NDNF: variants seen among roughly 807,000 people sequenced by gnomAD.
NDNF encodes protein NDNF.
NDNF carries 16 observed loss-of-function variants against 42.0 expected under a neutral mutation model. The ratio of observed to expected loss-of-function variants is 0.38; its 90% CI spans 0.26 to 0.58. The LOEUF (loss-of-function observed/expected upper bound fraction) is 0.58, where lower values mean the gene tolerates loss of function less well. Ranked by LOEUF, NDNF falls within the 20% of genes least tolerant of loss-of-function variation. The pLI is 0.67. For missense variants in NDNF, 616 were observed against 666.2 expected (o/e 0.92, Z 0.83); for synonymous variants, 248 against 251.7 (o/e 0.99, Z 0.14).
chr4:121,046,532 T>A (rs974381000), intron 1 of NDNF, among the ~76,000 whole-genome samples: 1 of 152,212 alleles, frequency 6.6e-6, no homozygotes, highest in African/African-American at 2.4e-5. Flanking sequence ...CAAGATGAGT[T>A]ATTAGTTGAT....
At chr4:121,039,065 C>T (rs1331208061) in intron 3 of NDNF, 3 of 146,904 alleles carry the variant, frequency 2.0e-5, no homozygotes, top group Non-Finnish European at 4.5e-5. Context: ...CCATAATTTT[C>T]CTAATTGCGA....
In NDNF at chr4:121,037,329, G is replaced by A. The variant is rs1433545693; in HGVS notation, c.642C>T (p.Val214=). The change falls in exon 4 of 4, where the codon GTC becomes GTT. Residue 214 remains valine (V), a synonymous_variant. Coordinates refer to ENST00000379692, the MANE Select transcript of NDNF (RefSeq NM_024574.4). ...LLKQPIQYCV[V]INKEHNFKSL... Reference sequence around the variant, plus strand: ...TTTTGAAATTGTGCTCTTTGTTGATGACCACACAGTACTGAATGGGTTGTT... The same window carrying A: ...TTTTGAAATTGTGCTCTTTGTTGATAACCACACAGTACTGAATGGGTTGTT... 3 of 1,614,060 alleles carry A rather than the reference G, an allele frequency of 1.9e-6. No individual in the cohort carries two copies. In the Admixed American group the frequency reaches 5.0e-5, roughly 27 times the overall value.
intron 1 of NDNF, among the ~76,000 whole-genome samples, chr4:121,071,038 G>C (rs1234580983): frequency 6.6e-6 from 1 of 152,312 alleles, no homozygotes; most frequent in South Asian, 2.1e-4. Flanking sequence ...ACAATGCAAC[G>C]AAACCGCACT....
chr4:121,060,991 AAAG>A (rs1418105623), intron 1 of NDNF, among the ~76,000 whole-genome samples: 8 of 152,242 alleles, frequency 5.3e-5, no homozygotes, highest in African/African-American at 1.9e-4. Context: ...CAGGGACCTT[AAAG>A]AGTTAAAAGG....
intron 3 of NDNF, 90 bp from the exon 4 acceptor site, chr4:121,037,747 C>A: frequency 2.2e-6 from 2 of 897,760 alleles, no homozygotes; most frequent in South Asian, 2.0e-5. Flanking sequence ...ATTTTTTCTC[C>A]GTTATGAAAA....
At chr4:121,043,856 C>G (rs1327721937) in intron 2 of NDNF, among the ~76,000 whole-genome samples, 1 of 152,070 alleles carries the variant, frequency 6.6e-6, no homozygotes, top group Non-Finnish European at 1.5e-5. Flanking sequence ...ATATGAAAAG[C>G]CAAATGTGCC....
chr4:121,049,823 T>C (rs776467612), intron 1 of NDNF, among the ~76,000 whole-genome samples: 10 of 152,212 alleles, frequency 6.6e-5, no homozygotes, highest in Admixed American at 3.3e-4. Context: ...GAAACAGTTT[T>C]AACCATCTCA....
chr4:121,051,000 A>C (rs770940804), intron 1 of NDNF, among the ~76,000 whole-genome samples: 1 of 152,166 alleles, frequency 6.6e-6, no homozygotes, highest in African/African-American at 2.4e-5. Context: ...TGGTGTATGA[A>C]TATATACACA....
chr4:121,060,977 G>A (rs927884537), intron 1 of NDNF, among the ~76,000 whole-genome samples: 6 of 152,182 alleles, frequency 3.9e-5, no homozygotes, highest in Non-Finnish European at 8.8e-5. Context: ...GTGAGTAGAT[G>A]TACCAGGGAC....
chr4:121,063,177 C>T (rs1285573541), intron 1 of NDNF, among the ~76,000 whole-genome samples: 1 of 152,092 alleles, frequency 6.6e-6, no homozygotes, highest in East Asian at 1.9e-4. Flanking sequence ...TATAATGGAA[C>T]AACTTGATAG....
In NDNF at chr4:121,039,785, A is replaced by T. The variant is rs1397981160; in HGVS notation, c.313+145T>A. ...CAGTGTCATCTGATGCCACCCTCCC[A>T]CTTCCCTTATCTCCGTCTCATACCT... is the stretch of plus-strand genomic sequence containing the variant. On this transcript the variant is annotated intron_variant, in intron 3 of 3. Transcript: ENST00000379692. 5.7e-6 allele frequency: 5 copies of T among 870,082 alleles called. No individual in the cohort carries two copies. The Admixed American group carries it at 1.7e-4, about 29-fold the overall frequency. 53.9% of individuals were successfully genotyped at this position (870,082 alleles called of 1,614,324 possible).
At chr4:121,063,401 G>T (rs1469860292) in intron 1 of NDNF, among the ~76,000 whole-genome samples, 1 of 152,008 alleles carries the variant, frequency 6.6e-6, no homozygotes, top group African/African-American at 2.4e-5. Context: ...CCGATAACTT[G>T]TCTCTAAGGT....
chr4:121,045,934 T>C (rs920902638), intron 1 of NDNF, 96 bp from the exon 2 acceptor site: 2 of 1,197,496 alleles, frequency 1.7e-6, no homozygotes, highest in Non-Finnish European at 2.3e-6. Context: ...TTAGCTTTGA[T>C]GGAAATTTAG....
intron 1 of NDNF, among the ~76,000 whole-genome samples, chr4:121,066,523 C>A (rs1434539192): frequency 1.3e-5 from 2 of 152,210 alleles, no homozygotes; most frequent in Non-Finnish European, 2.9e-5. Context: ...TACCACAACA[C>A]TACCCCTAAC....
chr4:121,043,505 T>C (rs1560604629), intron 2 of NDNF, among the ~76,000 whole-genome samples: 2 of 151,938 alleles, frequency 1.3e-5, no homozygotes, highest in Non-Finnish European at 2.9e-5. Flanking sequence ...TCAATAATCA[T>C]TGGCGGAAAA....
chr4:121,063,869 C>T (rs1303585636), intron 1 of NDNF, among the ~76,000 whole-genome samples: 2 of 152,144 alleles, frequency 1.3e-5, no homozygotes, highest in Non-Finnish European at 2.9e-5. Context: ...GTGCTTTTTA[C>T]TCTCAAAGGT....
chr4:121,039,152 T>TAC (rs1422017155), intron 3 of NDNF, among the ~76,000 whole-genome samples: 3 of 41,400 alleles, frequency 7.2e-5, no homozygotes, highest in South Asian at 1.7e-3. Flanking sequence ...TGTGTATATA[T>TAC]ATATGTATAT....
chr4:121,052,219 T>C (rs945971560), intron 1 of NDNF, among the ~76,000 whole-genome samples: 4 of 152,168 alleles, frequency 2.6e-5, no homozygotes, highest in African/African-American at 7.2e-5. Flanking sequence ...ACTATAAATA[T>C]AACATAAAGT....
At chr4:121,045,232 G>C (rs1240885290) in intron 2 of NDNF, among the ~76,000 whole-genome samples, 1 of 151,916 alleles carries the variant, frequency 6.6e-6, no homozygotes, top group African/African-American at 2.4e-5. Context: ...GACGCCTGTA[G>C]TCCCAGCTAC....
Sources: allele counts gnomAD v4.1 joint callset (sites outside exome capture counted in the v4.1 genomes callset), GRCh38; gene constraint gnomAD v4.1.1; transcripts MANE v1.5; gene names NCBI Gene and HGNC (gene_info 2026-07-23, HGNC 2026-07-21).